The following DUSP22 variants were observed in gnomAD, a reference collection of about 807,000 sequenced individuals.
The protein encoded by DUSP22 is dual specificity phosphatase 22.
A neutral mutation model predicts 24.5 loss-of-function variants in DUSP22; 24 were observed. That is an observed-to-expected ratio of 0.98 (90% CI 0.71 to 1.38). The LOEUF (loss-of-function observed/expected upper bound fraction) is 1.38, where lower values mean the gene tolerates loss of function less well. Among genes scored for constraint, DUSP22 ranks in the 40% most tolerant of loss-of-function variants. The probability of loss-of-function intolerance (pLI) is 0.00; values close to 1 mark genes in which losing one functional copy is unlikely to be tolerated. For missense variants in DUSP22, 330 were observed against 269.2 expected (o/e 1.23, Z -1.58); for synonymous variants, 160 against 106.4 (o/e 1.50, Z -3.10).
chr6:313,630 T>G (rs1229322533), intron 3 of DUSP22, among the ~76,000 whole-genome samples: 1 of 152,294 alleles, frequency 6.6e-6, no homozygotes, highest in Non-Finnish European at 1.5e-5. Flanking sequence ...CAGCTTTTAC[T>G]TGGAGACACC....
Position 336,133 on chromosome 6 carries a change from A to G in DUSP22, c.188+970A>G, listed in dbSNP as rs1369212362. ...AGATTACAGTTTTCCTGAAGCACAC[A>G]TCTGACTTGTGCAGGCTGAAAGGCT... On this transcript the variant is annotated intron_variant, in intron 4 of 6. Coordinates refer to ENST00000419235, the MANE Select transcript of DUSP22 (RefSeq NM_001286555.3). Among the ~76,000 whole-genome samples, 5 of 152,422 alleles carry G rather than the reference A, an allele frequency of 3.3e-5. No homozygotes were observed. The South Asian group carries it at 1.0e-3, about 32-fold the overall frequency.
chr6:342,657 C>T (rs1454593574), intron 4 of DUSP22, among the ~76,000 whole-genome samples: 1 of 152,290 alleles, frequency 6.6e-6, no homozygotes, highest in Non-Finnish European at 1.5e-5. Context: ...TGACACATGG[C>T]ATTCTAAGGG....
chr6:317,320 T>C (rs1161283069), intron 3 of DUSP22, among the ~76,000 whole-genome samples: 1 of 152,300 alleles, frequency 6.6e-6, no homozygotes, highest in African/African-American at 2.4e-5. Flanking sequence ...CGTGTTCCTC[T>C]TGCTGATCCA....
intron 3 of DUSP22, among the ~76,000 whole-genome samples, chr6:328,988 G>C (rs1759015242): frequency 6.6e-6 from 1 of 152,302 alleles, no homozygotes; most frequent in Admixed American, 6.5e-5. Flanking sequence ...CAAATGTTAT[G>C]GGCTATGTGA....
chr6:339,178 C>T (rs975721877), intron 4 of DUSP22, among the ~76,000 whole-genome samples: 15 of 152,302 alleles, frequency 9.8e-5, no homozygotes, highest in African/African-American at 3.4e-4. Flanking sequence ...GCACACACTG[C>T]GTGTTCCCCA....
chr6:329,308 C>G (rs909642252), intron 3 of DUSP22, among the ~76,000 whole-genome samples: 1 of 152,294 alleles, frequency 6.6e-6, no homozygotes, highest in African/African-American at 2.4e-5. Context: ...TCAAGGGCTG[C>G]GAGGAATGAG....
rs1760163980 is a variant in DUSP22, at chr6:350,766, G to A, written c.*1815G>A. On this transcript the variant is annotated 3_prime_UTR_variant, in exon 7 of 7. Coordinates refer to ENST00000419235, the MANE Select transcript of DUSP22 (RefSeq NM_001286555.3). ...TTTACAAACCTCTCAGTGTATTCTT[G>A]GAGTTCTTGAAATGTTGTTTTAATA... 3.1e-6 allele frequency: 5 copies of A among 1,613,972 alleles called. No homozygotes were observed. Among genetic ancestry groups the A allele is most frequent in the Non-Finnish European group, 4.2e-6 (5 of 1,179,966 alleles).
intron 4 of DUSP22, among the ~76,000 whole-genome samples, chr6:345,154 C>T (rs905730793): frequency 6.6e-6 from 1 of 152,294 alleles, no homozygotes; most frequent in African/African-American, 2.4e-5. Flanking sequence ...GACAGTATGA[C>T]CAGGTTTTGA....
chr6:327,773 C>T (rs1758951145), intron 3 of DUSP22, among the ~76,000 whole-genome samples: 3 of 152,300 alleles, frequency 2.0e-5, no homozygotes, highest in Admixed American at 1.3e-4. Flanking sequence ...ACGCAGAAAG[C>T]CTATTCCAGA....
chr6:318,580 G>C (rs1029658120), intron 3 of DUSP22, among the ~76,000 whole-genome samples: 5 of 151,882 alleles, frequency 3.3e-5, no homozygotes, highest in Middle Eastern at 3.4e-3. Context: ...GGACCCCAGG[G>C]CCTTTCCCCA....
chr6:317,190 C>T (rs1429352519), intron 3 of DUSP22, among the ~76,000 whole-genome samples: 1 of 152,308 alleles, frequency 6.6e-6, no homozygotes, highest in South Asian at 2.1e-4. Context: ...GATGAGGAAA[C>T]TCACCAAGGT....
intron 3 of DUSP22, among the ~76,000 whole-genome samples, chr6:322,164 A>G (rs1354927095): frequency 6.6e-6 from 1 of 152,300 alleles, no homozygotes; most frequent in Non-Finnish European, 1.5e-5. Flanking sequence ...CATATCATCT[A>G]CATAGTGTAT....
intron 1 of DUSP22, among the ~76,000 whole-genome samples, chr6:298,419 G>C (rs1186112992): frequency 1.3e-5 from 2 of 152,428 alleles, no homozygotes; most frequent in African/African-American, 4.8e-5. Flanking sequence ...TTGGGCAGCT[G>C]CTTGCTCAGG....
At chr6:299,966 G>C (rs769585973) in intron 1 of DUSP22, among the ~76,000 whole-genome samples, 108 of 152,370 alleles carry the variant, frequency 7.1e-4, no homozygotes, top group Non-Finnish European at 1.4e-3. Flanking sequence ...TCATTCATTG[G>C]AGAAATGTTG....
intron 1 of DUSP22, among the ~76,000 whole-genome samples, chr6:298,993 C>A (rs949181250): frequency 6.6e-6 from 1 of 152,302 alleles, no homozygotes; most frequent in African/African-American, 2.4e-5. Context: ...CAGGAGAGAC[C>A]TCCCTGGAAA....
chr6:327,884 C>CTGGAGTTT (rs1316769879), intron 3 of DUSP22, among the ~76,000 whole-genome samples: 21 of 152,384 alleles, frequency 1.4e-4, no homozygotes, highest in Non-Finnish European at 2.5e-4. Flanking sequence ...GTTTGAGGAG[C>CTGGAGTTT]GAGGGGTGGT....
intron 3 of DUSP22, among the ~76,000 whole-genome samples, chr6:329,094 G>A (rs564426703): frequency 6.6e-6 from 1 of 152,422 alleles, no homozygotes; most frequent in East Asian, 1.9e-4. Context: ...TGCTTTCTGT[G>A]GAATAAAGAC....
intron 6 of DUSP22, 198 bp from the exon 7 acceptor site, chr6:348,571 A>T (rs1760001406): frequency 1.0e-6 from 1 of 996,734 alleles, no homozygotes; most frequent in Non-Finnish European, 1.5e-6. Flanking sequence ...TTCATGTCCT[A>T]GGCCAGCACC....
chr6:343,776 C>A (rs557965551), intron 4 of DUSP22, among the ~76,000 whole-genome samples: 1 of 115,184 alleles, frequency 8.7e-6, no homozygotes, highest in Non-Finnish European at 1.8e-5. Flanking sequence ...GCCGTGAGGT[C>A]GCTGAGTTTC....
Sources: allele counts gnomAD v4.1 joint callset (sites outside exome capture counted in the v4.1 genomes callset), GRCh38; gene constraint gnomAD v4.1.1; transcripts MANE v1.5; gene names NCBI Gene and HGNC (gene_info 2026-07-23, HGNC 2026-07-21).